The following NPIPB11 variants were observed in gnomAD, a reference collection of about 807,000 sequenced individuals.
NPIPB11 encodes the protein nuclear pore complex interacting protein family member B11.
NPIPB11 carries 17 observed loss-of-function variants against 32.8 expected under a neutral mutation model. The ratio of observed to expected loss-of-function variants is 0.52; its 90% CI spans 0.35 to 0.78. The LOEUF is 0.78. Among genes scored for constraint, NPIPB11 ranks in the 30% least tolerant of loss-of-function variants. The pLI is 0.01. For synonymous variants in NPIPB11, 209 were observed against 398.4 expected, an observed-to-expected ratio of 0.52 and a Z score of 5.66; for missense variants, 537 against 1,000.4, an observed-to-expected ratio of 0.54 and a Z score of 6.25.
exon 8 of NPIPB11, chr16:29,383,142 A>G (rs1174611068): frequency 6.3e-7 from 1 of 1,592,470 alleles, no homozygotes; most frequent in Non-Finnish European, 8.5e-7. Flanking sequence ...TCTTGAGATT[A>G]TCATCCGCTG....
At chr16:29,391,525 C>T (rs200830445) in intron 3 of NPIPB11, among the ~76,000 whole-genome samples, 6,622 of 146,804 alleles carry the variant, frequency 0.045, 231 homozygotes, top group East Asian at 0.26. Context: ...TCCCTCACAT[C>T]AGCTTCATTG....
chr16:29,383,192 G>GATA (rs1215518316), exon 8 of NPIPB11: 6 of 1,589,426 alleles, frequency 3.8e-6, no homozygotes, highest in Non-Finnish European at 5.1e-6. Context: ...CAGGTGTCTT[G>GATA]ATATTATCAT....
chr16:29,389,353 C>T (rs1441073099), intron 5 of NPIPB11, among the ~76,000 whole-genome samples: 7 of 119,244 alleles, frequency 5.9e-5, no homozygotes, highest in East Asian at 2.3e-4. Flanking sequence ...CAGAGCGTGA[C>T]TCTATCTCAA....
chr16:29,393,364 C>T (rs1363249474), intron 3 of NPIPB11, among the ~76,000 whole-genome samples: 1 of 151,146 alleles, frequency 6.6e-6, no homozygotes, highest in African/African-American at 2.4e-5. Context: ...GTTCCTTGGC[C>T]TCTTTCATTT....
intron 2 of NPIPB11, among the ~76,000 whole-genome samples, chr16:29,399,853 C>G (rs991276000): frequency 2.0e-5 from 3 of 151,800 alleles, no homozygotes; most frequent in East Asian, 1.9e-4. Flanking sequence ...CTGAGGCAGG[C>G]GCATCACGAG....
chr16:29,383,090 G>A, exon 8 of NPIPB11: 1 of 1,598,126 alleles, frequency 6.3e-7, no homozygotes, highest in Non-Finnish European at 8.5e-7. Flanking sequence ...GCTGAGGGTG[G>A]AGCTGAGGGT....
chr16:29,406,586 T>A (rs1158658258), upstream of NPIPB11, among the ~76,000 whole-genome samples: 1 of 152,160 alleles, frequency 6.6e-6, no homozygotes, highest in East Asian at 1.9e-4. Flanking sequence ...TGGTGGCACA[T>A]GCCTGTAGTC....
exon 8 of NPIPB11, chr16:29,383,215 G>A (rs1963536227): frequency 3.8e-6 from 6 of 1,567,258 alleles, no homozygotes; most frequent in Non-Finnish European, 5.2e-6. Context: ...GCTGAGGGTG[G>A]AGCTGAGGGT....
rs775510168 is a variant in NPIPB11, at chr16:29,394,043, C to G, written c.154G>C (p.Gly52Arg). The change falls in exon 3 of 8, where the codon GGG becomes CGG. Residue 52 changes from glycine to arginine, a missense_variant. Transcript: ENST00000524087. ...CAAGGACTTCCACCAAAGTCAGTCC[C>G]ACGATGATGATGGTCAGCCAGAGTA... 3.1e-6 allele frequency: 5 copies of G among 1,599,238 alleles called. No individual in the cohort carries two copies. The East Asian group carries it at 1.1e-4, about 36-fold the overall frequency.
At chr16:29,402,954 GTTAA>G (rs1157074646) in intron 2 of NPIPB11, among the ~76,000 whole-genome samples, 1 of 147,660 alleles carries the variant, frequency 6.8e-6, no homozygotes, top group African/African-American at 2.6e-5. Flanking sequence ...ATGTGATGTG[GTTAA>G]TTCTTTTATT....
rs1253988223 is a variant in NPIPB11 at position 29,402,718 on chromosome 16, CTCTCTCTG to C, written c.120+957_120+964del. Among the ~76,000 whole-genome samples the C allele has an allele frequency of 6.9e-4, 86 of 124,980 alleles. No homozygotes were observed. The East Asian group carries it at 0.018, about 27-fold the overall frequency. The allele number at this position is 124,980 out of a possible 152,430, so 82.0% of individuals were successfully genotyped here. ...ACTCTGTCTCTCTCTCTCTCTCTCT[CTCTCTCTG>C]TGTGTGTGTGTGTGTGTGTGTGTGT... On this transcript the variant is annotated intron_variant, in intron 2 of 7. Transcript: ENST00000524087.
upstream of NPIPB11, among the ~76,000 whole-genome samples, chr16:29,406,646 G>A (rs183169528): frequency 1.9e-3 from 290 of 152,056 alleles, no homozygotes; most frequent in African/African-American, 4.9e-3. Flanking sequence ...CCCAGGAGGC[G>A]GAGGTTGCAG....
chr16:29,393,238 G>C (rs906594781), intron 3 of NPIPB11, among the ~76,000 whole-genome samples: 6 of 151,500 alleles, frequency 4.0e-5, no homozygotes, highest in Admixed American at 1.3e-4. Context: ...AGTTCTAAGA[G>C]TCTCTGGGGC....
intron 2 of NPIPB11, among the ~76,000 whole-genome samples, chr16:29,396,896 A>T (rs1286323064): frequency 2.0e-5 from 3 of 151,754 alleles, no homozygotes; most frequent in Non-Finnish European, 4.4e-5. Context: ...TCACGCCTGT[A>T]ATCCCAGCAC....
chr16:29,389,577 G>T (rs557949883), intron 5 of NPIPB11, among the ~76,000 whole-genome samples: 2 of 146,322 alleles, frequency 1.4e-5, no homozygotes, highest in East Asian at 4.1e-4. Flanking sequence ...GGGAGGCTGA[G>T]GCAGGAGAAT....
At chr16:29,404,050 TCA>T (rs1759398376), upstream of NPIPB11, 1 of 357,464 alleles carries the variant, frequency 2.8e-6, no homozygotes, top group Non-Finnish European at 5.0e-6. Flanking sequence ...CATTCGTCAT[TCA>T]GTTTCTCTCA....
chr16:29,395,743 G>A (rs1359778613), intron 2 of NPIPB11, among the ~76,000 whole-genome samples: 1 of 151,000 alleles, frequency 6.6e-6, no homozygotes. Flanking sequence ...ACTTTGGGAA[G>A]CCGAGGTGGG....
At chr16:29,401,328 C>A (rs4017110) in intron 2 of NPIPB11, among the ~76,000 whole-genome samples, 3,264 of 152,166 alleles carry the variant, frequency 0.021, 130 homozygotes, top group African/African-American at 0.074. Context: ...AAACTATCAT[C>A]TGGGGTAACT....
At chr16:29,399,827 C>T (rs1963946234) in intron 2 of NPIPB11, among the ~76,000 whole-genome samples, 1 of 152,050 alleles carries the variant, frequency 6.6e-6, no homozygotes, top group Admixed American at 6.5e-5. Flanking sequence ...GCCTGTAATC[C>T]CAGCACTTTG....
Sources: allele counts gnomAD v4.1 joint callset (sites outside exome capture counted in the v4.1 genomes callset), GRCh38; gene constraint gnomAD v4.1.1; transcripts MANE v1.5; gene names NCBI Gene and HGNC (gene_info 2026-07-23, HGNC 2026-07-21).